Variants in ANKMY2 observed in about 807,000 individuals in gnomAD.
ANKMY2 encodes the protein ankyrin repeat and MYND domain-containing protein 2.
Under a neutral mutation model 50.4 loss-of-function variants are expected in ANKMY2, and 36 were observed. The observed-to-expected ratio is 0.71, with a 90% CI of 0.55 to 0.94. The LOEUF is 0.94. Ranked by LOEUF, ANKMY2 falls within the 40% of genes least tolerant of loss-of-function variation. The pLI, the probability that ANKMY2 is intolerant of heterozygous loss-of-function variation, is 0.00. For synonymous variants in ANKMY2, 187 were observed against 178.8 expected, an observed-to-expected ratio of 1.05 and a Z score of -0.36; for missense variants, 565 against 524.0, an observed-to-expected ratio of 1.08 and a Z score of -0.76.
intron 1 of ANKMY2, among the ~76,000 whole-genome samples, chr7:16,638,776 G>A (rs1033062233): frequency 2.0e-5 from 3 of 152,016 alleles, no homozygotes; most frequent in East Asian, 1.9e-4. Context: ...CATTTCTAAC[G>A]CCCAGGAAAT....
At chr7:16,622,945 A>C (rs1781461481) in intron 4 of ANKMY2, among the ~76,000 whole-genome samples, 1 of 152,198 alleles carries the variant, frequency 6.6e-6, no homozygotes, top group African/African-American at 2.4e-5. Flanking sequence ...AGTGGTTAAA[A>C]AACTGTAAAA....
chr7:16,625,097 G>C lies in ANKMY2; in HGVS notation c.272-16C>G. The C allele has an allele frequency of 6.3e-7, 1 of 1,587,554 alleles. No individual in the cohort carries two copies. Among genetic ancestry groups the C allele is most frequent in the Non-Finnish European group, 8.6e-7 (1 of 1,156,356 alleles). ...TCTTTATTACCTAGAGTTTTAAAGG[G>C]AACACATTTGTTAATGTTAAGGAGG... On this transcript the variant is annotated splice_polypyrimidine_tract_variant and intron_variant, in intron 3 of 9. Transcript: ENST00000306999.
At position 16,609,762 on chromosome 7, in the gene ANKMY2, C is replaced by G. The variant is rs761668688; in HGVS notation, c.750G>C (p.Leu250Phe). 6.2e-7 allele frequency: 1 copy of G among 1,608,002 alleles called. No individual in the cohort carries two copies. The highest frequency in any genetic ancestry group is 1.1e-5 in the South Asian group (1 of 90,006). ...AGCCATCAGAAGCTCGGCCTTTTAA[C>G]AAGCTGAAAGATATTTTTTAAAGCG... is the stretch of plus-strand genomic sequence containing the variant. ...ENKLDTLIKS[L>F]LKGRASDGFP... Residue 250 changes from leucine to phenylalanine, a missense_variant, in exon 7 of 10, where the codon TTG (leucine) becomes TTC (phenylalanine). Coordinates refer to ENST00000306999, the MANE Select transcript of ANKMY2 (RefSeq NM_020319.3).
At chr7:16,623,680 T>C (rs1422928438) in intron 4 of ANKMY2, among the ~76,000 whole-genome samples, 1 of 152,146 alleles carries the variant, frequency 6.6e-6, no homozygotes, top group African/African-American at 2.4e-5. Context: ...ATTCCTACTT[T>C]AGTGTTCTTT....
rs1781703280 is a variant in ANKMY2, at chr7:16,638,690, T to C, written c.68-2235A>G. 1.3e-5 allele frequency among the ~76,000 whole-genome samples: 2 copies of C among 152,198 alleles called. 1 individual carries two copies. Among genetic ancestry groups the C allele is most frequent in the South Asian group, 4.1e-4 (2 of 4,826 alleles). ...GGTGGAGTTGAAAAATTCAACCTTC[T>C]AATCATGGCTTGGACTTTCTCATGA... is the stretch of plus-strand genomic sequence containing the variant. On this transcript the variant is annotated intron_variant, in intron 1 of 9. Coordinates refer to ENST00000306999, the MANE Select transcript of ANKMY2 (RefSeq NM_020319.3).
At chr7:16,634,071 C>T (rs1325550018) in intron 2 of ANKMY2, among the ~76,000 whole-genome samples, 1 of 152,108 alleles carries the variant, frequency 6.6e-6, no homozygotes, top group African/African-American at 2.4e-5. Flanking sequence ...ACCCCTTTCC[C>T]TTCTGCATGA....
intron 8 of ANKMY2, 147 bp from the exon 9 acceptor site, chr7:16,602,656 G>T: frequency 9.1e-7 from 1 of 1,097,296 alleles, no homozygotes; most frequent in Non-Finnish European, 1.3e-6. Flanking sequence ...TAGTTTGGAT[G>T]TTGTCCCCTC....
chr7:16,639,225 A>T (rs1781713665), intron 1 of ANKMY2, among the ~76,000 whole-genome samples: 1 of 152,248 alleles, frequency 6.6e-6, no homozygotes, highest in Non-Finnish European at 1.5e-5. Flanking sequence ...TGTCATTCCT[A>T]CTGTCCATAG....
At chr7:16,643,864 C>CAA (rs35460495) in intron 1 of ANKMY2, among the ~76,000 whole-genome samples, 15 of 100,204 alleles carry the variant, frequency 1.5e-4, no homozygotes, top group South Asian at 6.1e-4. Context: ...CCCATCTCTA[C>CAA]AAAAAAAAAA....
chr7:16,613,311 C>A (rs1781287034), intron 5 of ANKMY2, among the ~76,000 whole-genome samples: 1 of 152,108 alleles, frequency 6.6e-6, no homozygotes, highest in South Asian at 2.1e-4. Flanking sequence ...GTTTTAAAAG[C>A]TGTTTAACAT....
At chr7:16,628,237 C>T (rs1781533031) in intron 2 of ANKMY2, among the ~76,000 whole-genome samples, 1 of 152,112 alleles carries the variant, frequency 6.6e-6, no homozygotes, top group Admixed American at 6.5e-5. Flanking sequence ...CTTAGTGAAG[C>T]TTAGAATGCT....
intron 7 of ANKMY2, among the ~76,000 whole-genome samples, chr7:16,605,674 CTTTT>C (rs11307797): frequency 1.3e-4 from 8 of 59,628 alleles, no homozygotes; most frequent in Non-Finnish European, 1.6e-4. Context: ...ATTTTTTGTA[CTTTT>C]TTTTTTTTTT....
chr7:16,616,695 G>A (rs574164203), intron 4 of ANKMY2, among the ~76,000 whole-genome samples: 11 of 152,330 alleles, frequency 7.2e-5, no homozygotes, highest in African/African-American at 2.6e-4. Flanking sequence ...TGGATCTCCG[G>A]AGGAGACTTC....
intron 1 of ANKMY2, chr7:16,644,818 G>A (rs1227167946): frequency 9.2e-6 from 4 of 436,582 alleles, no homozygotes; most frequent in South Asian, 1.7e-5. Flanking sequence ...CACGCCTTGG[G>A]GGAGTGGACA....
intron 1 of ANKMY2, among the ~76,000 whole-genome samples, chr7:16,643,515 C>T (rs187480195): frequency 8.1e-4 from 121 of 149,490 alleles, no homozygotes; most frequent in Non-Finnish European, 1.2e-3. Context: ...CCAATGAAAG[C>T]GATGAAAGCA....
chr7:16,645,245 G>T (rs1011137466), intron 1 of ANKMY2, among the ~76,000 whole-genome samples: 3 of 152,164 alleles, frequency 2.0e-5, no homozygotes. Flanking sequence ...GGCGGGGCGT[G>T]GAAATCCGTA....
chr7:16,609,895 G>C, intron 6 of ANKMY2, 130 bp from the exon 7 acceptor site: 16 of 1,149,026 alleles, frequency 1.4e-5, no homozygotes, highest in Non-Finnish European at 1.8e-5. Context: ...CATGATGACG[G>C]GCTCAGTTCA....
chr7:16,645,613 G>A lies in ANKMY2; in HGVS notation c.-40C>T, dbSNP rs982712801. ...TGAAGGTTATTCCCTTTCTTAGGGA[G>A]TATTAAAAAAGAAACGATGCGTCTG... On this transcript the variant is annotated 5_prime_UTR_variant, in exon 1 of 10. Transcript: ENST00000306999. The A allele has an allele frequency of 1.1e-5, 17 of 1,589,858 alleles. No homozygotes were observed. The highest frequency in any genetic ancestry group is 5.6e-5 in the South Asian group (5 of 88,596).
chr7:16,612,536 T>C (rs1032733782), intron 5 of ANKMY2, among the ~76,000 whole-genome samples: 9 of 152,210 alleles, frequency 5.9e-5, no homozygotes, highest in Non-Finnish European at 1.3e-4. Context: ...ATTGTAATCA[T>C]TTAAAGTTGT....
Sources: gnomAD v4.1 joint callset for allele counts (sites outside exome capture counted in the v4.1 genomes callset) on GRCh38, gnomAD v4.1.1 for gene constraint, MANE v1.5 for transcripts, NCBI Gene and HGNC (gene_info 2026-07-23, HGNC 2026-07-21) for gene names.